The following ARHGEF3 variants were observed in gnomAD, a reference collection of about 807,000 sequenced individuals.
ARHGEF3 encodes the protein Rho guanine nucleotide exchange factor 3, also known as 59.8 kDA protein.
ARHGEF3 carries 28 observed loss-of-function variants against 63.2 expected under a neutral mutation model. That is an observed-to-expected ratio of 0.44 (90% CI 0.33 to 0.61). The LOEUF (loss-of-function observed/expected upper bound fraction) is 0.61. Ranked by LOEUF, ARHGEF3 falls within the 20% of genes least tolerant of loss-of-function variation. ARHGEF3 has a pLI of 0.03. For missense variants in ARHGEF3, 533 were observed against 659.3 expected (o/e 0.81, Z 2.10); for synonymous variants, 266 against 254.2 (o/e 1.05, Z -0.44).
In ARHGEF3 at chr3:56,884,492, T is replaced by C. The variant is rs183981095; in HGVS notation, c.130-2138A>G. Among the ~76,000 whole-genome samples the C allele has an allele frequency of 6.6e-5, 10 of 152,356 alleles. No homozygotes were observed. In the East Asian group the frequency reaches 1.9e-3, roughly 29 times the overall value. On this transcript the variant is annotated intron_variant, in intron 3 of 12. Transcript: ENST00000338458. ...GTTCTACATATATACATTTTTCCAC[T>C]GAAACAGTGGTGCAGCGTGCAGCAG...
intron 4 of ARHGEF3, among the ~76,000 whole-genome samples, chr3:56,808,811 T>C (rs1439523131): frequency 6.6e-6 from 1 of 152,174 alleles, no homozygotes; most frequent in African/African-American, 2.4e-5. Context: ...TGATTGTCAG[T>C]GGACAAGGCC....
At chr3:56,975,517 T>G (rs1168574194) in intron 2 of ARHGEF3, among the ~76,000 whole-genome samples, 11 of 152,222 alleles carry the variant, frequency 7.2e-5, no homozygotes. Context: ...AAATAAATAC[T>G]AACTCATTTT....
intron 2 of ARHGEF3, among the ~76,000 whole-genome samples, chr3:56,967,446 A>C (rs1345587649): frequency 1.1e-4 from 8 of 76,014 alleles, no homozygotes; most frequent in Non-Finnish European, 1.5e-4. Context: ...AATATATTAT[A>C]TATTATACAT....
chr3:57,032,452 G>A (rs1703771924), intron 2 of ARHGEF3, among the ~76,000 whole-genome samples: 1 of 152,200 alleles, frequency 6.6e-6, no homozygotes, highest in Non-Finnish European at 1.5e-5. Context: ...CAACAAATGT[G>A]GGTCTGTTTG....
chr3:56,924,612 T>C (rs948919759), intron 3 of ARHGEF3, among the ~76,000 whole-genome samples: 1 of 152,262 alleles, frequency 6.6e-6, no homozygotes, highest in Non-Finnish European at 1.5e-5. Flanking sequence ...CTCCCCTTTA[T>C]AGAACATATA....
At chr3:56,761,643 G>C (rs1295282222) in intron 2 of ARHGEF3, among the ~76,000 whole-genome samples, 7 of 152,032 alleles carry the variant, frequency 4.6e-5, no homozygotes, top group African/African-American at 1.7e-4. Context: ...CTATGTGCTG[G>C]GCACTGTGAG....
intron 8 of ARHGEF3, among the ~76,000 whole-genome samples, chr3:56,735,012 G>A (rs1559884934): frequency 6.6e-6 from 1 of 152,086 alleles, no homozygotes; most frequent in Admixed American, 6.6e-5. Flanking sequence ...AGCCAGGCAC[G>A]GTGGCTCACT....
chr3:56,819,278 C>G (rs2108030074), intron 4 of ARHGEF3, among the ~76,000 whole-genome samples: 1 of 152,282 alleles, frequency 6.6e-6, no homozygotes, highest in African/African-American at 2.4e-5. Flanking sequence ...CATAAGAGGA[C>G]CAATTGGTTG....
intron 3 of ARHGEF3, among the ~76,000 whole-genome samples, chr3:56,935,652 C>T (rs1698857336): frequency 6.6e-6 from 1 of 152,066 alleles, no homozygotes; most frequent in Admixed American, 6.5e-5. Flanking sequence ...AGGTCTGCAG[C>T]TTCACTCCTG....
At chr3:57,009,518 G>A (rs895610193) in intron 2 of ARHGEF3, among the ~76,000 whole-genome samples, 2 of 152,328 alleles carry the variant, frequency 1.3e-5, no homozygotes, top group African/African-American at 4.8e-5. Flanking sequence ...TCTGAGCGGG[G>A]TGGTAGCTAC....
intron 4 of ARHGEF3, 104 bp from the exon 5 acceptor site, chr3:56,751,500 T>C: frequency 2.2e-6 from 2 of 919,290 alleles, no homozygotes; most frequent in Non-Finnish European, 1.7e-6. Context: ...ACAAAACTTC[T>C]GGCTCTCTAA....
At chr3:56,770,338 A>G (rs1232028243) in intron 2 of ARHGEF3, among the ~76,000 whole-genome samples, 1 of 152,094 alleles carries the variant, frequency 6.6e-6, no homozygotes, top group African/African-American at 2.4e-5. Flanking sequence ...TGAACCCAGG[A>G]GGCGCAGGTG....
Position 56,990,311 on chromosome 3 carries a change from C to T in ARHGEF3, c.63-31422G>A, listed in dbSNP as rs375338688. 4.6e-5 allele frequency among the ~76,000 whole-genome samples: 7 copies of T among 152,318 alleles called. No individual in the cohort carries two copies. The South Asian group carries it at 1.2e-3, about 27-fold the overall frequency. On this transcript the variant is annotated intron_variant, in intron 2 of 12. Transcript: ENST00000338458. ...TCAGAACACCTGCAAGGTGGCTGGGCCATGGCTCACGCCTGTAATCCCACG... is the reference window on the plus strand; with the variant it reads ...TCAGAACACCTGCAAGGTGGCTGGGTCATGGCTCACGCCTGTAATCCCACG...
At chr3:56,889,655 T>C (rs1252497894) in intron 3 of ARHGEF3, among the ~76,000 whole-genome samples, 1 of 152,222 alleles carries the variant, frequency 6.6e-6, no homozygotes, top group African/African-American at 2.4e-5. Context: ...CCACCCTGAC[T>C]GCCAAACCAC....
intron 4 of ARHGEF3, among the ~76,000 whole-genome samples, chr3:56,863,260 T>G (rs1345445365): frequency 3.3e-5 from 5 of 150,984 alleles, no homozygotes; most frequent in Non-Finnish European, 7.4e-5. Context: ...GCCTCAGCCT[T>G]CCGAGTAGCT....
At chr3:56,868,604 C>A (rs1263400949) in intron 4 of ARHGEF3, among the ~76,000 whole-genome samples, 1 of 152,186 alleles carries the variant, frequency 6.6e-6, no homozygotes, top group Non-Finnish European at 1.5e-5. Flanking sequence ...CTCAGGTGAT[C>A]TGCCTGCCTC....
intron 1 of ARHGEF3, chr3:57,074,636 CT>C (rs1364515587): frequency 2.8e-5 from 6 of 216,780 alleles, no homozygotes; most frequent in Non-Finnish European, 6.1e-5. Flanking sequence ...ATTTTCATCT[CT>C]TTATTGTTTC....
chr3:56,919,483 C>A (rs934800867), intron 3 of ARHGEF3, among the ~76,000 whole-genome samples: 4 of 152,164 alleles, frequency 2.6e-5, no homozygotes, highest in African/African-American at 9.7e-5. Context: ...ACATTTTTGA[C>A]CTCTTACTGC....
chr3:56,893,373 C>T (rs2041187355), intron 3 of ARHGEF3, among the ~76,000 whole-genome samples: 1 of 152,154 alleles, frequency 6.6e-6, no homozygotes, highest in Non-Finnish European at 1.5e-5. Flanking sequence ...GAGATAGGAT[C>T]TGTTTTTGTT....
Sources: allele counts gnomAD v4.1 joint callset (sites outside exome capture counted in the v4.1 genomes callset), GRCh38; gene constraint gnomAD v4.1.1; transcripts MANE v1.5; gene names NCBI Gene and HGNC (gene_info 2026-07-23, HGNC 2026-07-21).